The following ZNF655 variants were observed in gnomAD, a reference collection of about 807,000 sequenced individuals.
ZNF655 encodes the protein Vav-interacting Kruppel-like protein 1.
In ZNF655, 3 loss-of-function variants were observed where a neutral mutation model predicts 6.6. That is an observed-to-expected ratio of 0.46 (90% CI 0.21 to 1.18). The LOEUF (loss-of-function observed/expected upper bound fraction) is 1.18. ZNF655 is among the 50% of genes most tolerant of loss of function. The pLI is 0.24. For missense variants in ZNF655, 526 were observed against 572.3 expected (o/e 0.92, Z 0.83); for synonymous variants, 178 against 195.0 (o/e 0.91, Z 0.73).
chr7:99,567,563 CAA>C (rs1331951326), intron 2 of ZNF655, among the ~76,000 whole-genome samples: 2 of 150,966 alleles, frequency 1.3e-5, no homozygotes, highest in Non-Finnish European at 2.9e-5. Context: ...ACGTCAATGT[CAA>C]GAGAACCTGC....
chr7:99,567,254 C>A (rs1803699229), intron 2 of ZNF655, among the ~76,000 whole-genome samples: 1 of 152,214 alleles, frequency 6.6e-6, no homozygotes, highest in Non-Finnish European at 1.5e-5. Context: ...ATAGAGTCGG[C>A]CAGGTGCTGT....
In ZNF655 at chr7:99,572,807, C is replaced by T; in HGVS notation, c.699C>T (p.Ile233=). 1 of 1,613,578 alleles carries T rather than the reference C, an allele frequency of 6.2e-7. No homozygotes were observed. Among genetic ancestry groups the T allele is most frequent in the Non-Finnish European group, 8.5e-7 (1 of 1,179,872 alleles). The change falls in exon 3 of 3, where the codon ATC becomes ATT. Residue 233 remains isoleucine, a synonymous_variant. Coordinates refer to ENST00000252713, the MANE Select transcript of ZNF655 (RefSeq NM_138494.3). The stretch of plus-strand genomic sequence containing the variant: ...CAGCCCTTACTAGACATCAGAGAAT[C>T]CATACTAGAGAGAAGCCCTACAAAT... ...QSSALTRHQR[I]HTREKPYKCK... is the part of the protein sequence containing the mutation.
In ZNF655 at chr7:99,568,664, C is replaced by A. The variant is rs534728897; in HGVS notation, c.137-3581C>A. On this transcript the variant is annotated intron_variant, in intron 2 of 2. Coordinates refer to ENST00000252713, the MANE Select transcript of ZNF655 (RefSeq NM_138494.3). ...GTAGAGATGGAGTCTCACTATGTTC[C>A]CCAAGCAGGTCTCAAATTCCTGAGC... 1.3e-3 allele frequency among the ~76,000 whole-genome samples: 200 copies of A among 151,896 alleles called. 1 individual carries two copies. Among genetic ancestry groups the A allele is most frequent in the African/African-American group, 4.0e-3 (166 of 41,418 alleles).
chr7:99,566,869 T>C (rs1803674881), intron 2 of ZNF655, among the ~76,000 whole-genome samples: 1 of 152,200 alleles, frequency 6.6e-6, no homozygotes, highest in Admixed American at 6.5e-5. Context: ...TAACTGTTAT[T>C]TTTGAAGACC....
intron 2 of ZNF655, chr7:99,564,274 G>C (rs907461584): frequency 7.5e-7 from 1 of 1,331,818 alleles, no homozygotes; most frequent in African/African-American, 1.5e-5. Flanking sequence ...TCCAAATTCA[G>C]CTCTTCAGTT....
intron 2 of ZNF655, 23 bp from the exon 3 acceptor site, chr7:99,572,222 T>G (rs561223717): frequency 6.5e-7 from 1 of 1,547,234 alleles, no homozygotes; most frequent in African/African-American, 1.4e-5. Flanking sequence ...ACATTTGCAT[T>G]TTCTATTTAT....
At chr7:99,565,412 G>T (rs866807799) in intron 2 of ZNF655, among the ~76,000 whole-genome samples, 1 of 152,030 alleles carries the variant, frequency 6.6e-6, no homozygotes, top group African/African-American at 2.4e-5. Context: ...CTCGTGATCC[G>T]CCTGTCTCGG....
Position 99,560,625 on chromosome 7 carries a change from C to T in ZNF655, c.66C>T (p.Thr22=). Residue 22 remains threonine (T), a synonymous_variant, in exon 2 of 3, where the codon ACC becomes ACT. Coordinates refer to ENST00000252713, the MANE Select transcript of ZNF655 (RefSeq NM_138494.3). Reference sequence around the variant, plus strand: ...GGGTCCAGTTTCAGTCTTTGGAGACCCAGTCTGAGTGTCTGTCCCCAGAGC... The same window carrying T: ...GGGTCCAGTTTCAGTCTTTGGAGACTCAGTCTGAGTGTCTGTCCCCAGAGC... The part of the protein sequence containing the change: ...SPRVQFQSLE[T]QSECLSPEPQ... 6.2e-7 allele frequency: 1 copy of T among 1,614,064 alleles called. No individual in the cohort carries two copies. Among genetic ancestry groups the T allele is most frequent in the Non-Finnish European group, 8.5e-7 (1 of 1,180,004 alleles).
At chr7:99,563,768 T>C (rs746289109) in intron 2 of ZNF655, 18 of 1,449,832 alleles carry the variant, frequency 1.2e-5, no homozygotes, top group Non-Finnish European at 1.6e-5. Context: ...CTGATTATGC[T>C]CAGGATTCAA....
At chr7:99,564,570 G>A in intron 2 of ZNF655, 2 of 985,480 alleles carry the variant, frequency 2.0e-6, no homozygotes, top group Non-Finnish European at 2.4e-6. Flanking sequence ...GAGAAGGGAG[G>A]GCAAAGAAGT....
At chr7:99,564,801 T>C (rs1803494967) in intron 2 of ZNF655, 2 of 731,708 alleles carry the variant, frequency 2.7e-6, no homozygotes, top group South Asian at 6.2e-5. Context: ...ATTTCCTCTC[T>C]TATCTCTGCA....
Position 99,573,587 on chromosome 7 carries a change from G to T in ZNF655, c.*3G>T, listed in dbSNP as rs761172263. 1.3e-5 allele frequency: 21 copies of T among 1,592,878 alleles called. No homozygotes were observed. The highest frequency in any genetic ancestry group is 2.7e-5 in the African/African-American group (2 of 74,452). On this transcript the variant is annotated 3_prime_UTR_variant, in exon 3 of 3. Coordinates refer to ENST00000252713, the MANE Select transcript of ZNF655 (RefSeq NM_138494.3). ...TTCATACCAAAGAGAACTCATGAATGTAATGAAGATGGGAAGATATTTATC... is the reference window on the plus strand; with the variant it reads ...TTCATACCAAAGAGAACTCATGAATTTAATGAAGATGGGAAGATATTTATC...
intron 2 of ZNF655, chr7:99,564,517 C>T: frequency 4.1e-6 from 4 of 985,978 alleles, no homozygotes; most frequent in African/African-American, 1.7e-5. Context: ...AATTATATTG[C>T]CTTTCCTGAT....
In ZNF655 at chr7:99,566,509, G is replaced by A. The variant is rs1803644425; in HGVS notation, c.137-5736G>A. ...GAAGAAAAGCGTGAAGCTTTCAGAT[G>A]GCTAAAAGCATAGCCGTAGTAAAAG... On this transcript the variant is annotated intron_variant, in intron 2 of 2. Coordinates refer to ENST00000252713, the MANE Select transcript of ZNF655 (RefSeq NM_138494.3). Among the ~76,000 whole-genome samples the A allele has an allele frequency of 2.6e-5, 4 of 152,300 alleles. No homozygotes were observed. The South Asian group carries it at 8.3e-4, about 32-fold the overall frequency.
At chr7:99,569,669 C>T (rs894523082) in intron 2 of ZNF655, among the ~76,000 whole-genome samples, 1 of 152,128 alleles carries the variant, frequency 6.6e-6, no homozygotes, top group African/African-American at 2.4e-5. Context: ...ACCTAGAGAG[C>T]TCTTGGCATG....
Position 99,576,069 on chromosome 7 carries a change from A to G in ZNF655, c.*2485A>G, listed in dbSNP as rs568743844. On this transcript the variant is annotated 3_prime_UTR_variant, in exon 3 of 3. Coordinates refer to ENST00000252713, the MANE Select transcript of ZNF655 (RefSeq NM_138494.3). ...TTCATAGTTCAGTGTTATAATATTC[A>G]GTAGGGACCCTCAACAAATATATAA... The G allele has an allele frequency of 9.2e-5, 14 of 152,346 alleles. No individual in the cohort carries two copies. Among genetic ancestry groups the G allele is most frequent in the African/African-American group, 3.4e-4 (14 of 41,580 alleles). 9.4% of individuals were successfully genotyped at this position (152,346 alleles called of 1,614,324 possible). A position where few individuals can be genotyped will look rare whatever the true frequency, so the allele number is the denominator to read the frequency against.
At chr7:99,562,983 C>T (rs1803325558) in intron 2 of ZNF655, among the ~76,000 whole-genome samples, 1 of 152,158 alleles carries the variant, frequency 6.6e-6, no homozygotes, top group African/African-American at 2.4e-5. Flanking sequence ...GTCCCTCACC[C>T]CTTAAGATCC....
At chr7:99,567,268 TCA>T (rs1007499063) in intron 2 of ZNF655, among the ~76,000 whole-genome samples, 1 of 152,214 alleles carries the variant, frequency 6.6e-6, no homozygotes, top group Non-Finnish European at 1.5e-5. Flanking sequence ...GTGCTGTGGC[TCA>T]CACATGTAAT....
At chr7:99,565,811 G>A (rs1484730976) in intron 2 of ZNF655, among the ~76,000 whole-genome samples, 1 of 152,126 alleles carries the variant, frequency 6.6e-6, no homozygotes, top group Admixed American at 6.5e-5. Context: ...TATTAACTGG[G>A]TCAGTAGATT....
Sources: gnomAD v4.1 joint callset for allele counts (sites outside exome capture counted in the v4.1 genomes callset) on GRCh38, gnomAD v4.1.1 for gene constraint, MANE v1.5 for transcripts, NCBI Gene and HGNC (gene_info 2026-07-23, HGNC 2026-07-21) for gene names.